The following GOLIM4 variants were observed in gnomAD, a reference collection of about 807,000 sequenced individuals.
The protein encoded by GOLIM4 is 130 kDa golgi-localized phosphoprotein.
In GOLIM4, 71 loss-of-function variants were observed where a neutral mutation model predicts 107.4. That is an observed-to-expected ratio of 0.66 (90% CI 0.55 to 0.81). The LOEUF (loss-of-function observed/expected upper bound fraction) is 0.81, where lower values mean the gene tolerates loss of function less well. Among genes scored for constraint, GOLIM4 ranks in the 30% least tolerant of loss-of-function variants. The probability of loss-of-function intolerance (pLI) is 0.00; values close to 1 mark genes in which losing one functional copy is unlikely to be tolerated. For missense variants in GOLIM4, 830 were observed against 826.1 expected, an observed-to-expected ratio of 1.00 and a Z score of -0.06; for synonymous variants, 327 against 294.8, an observed-to-expected ratio of 1.11 and a Z score of -1.12.
At chr3:168,084,003 G>A (rs1721498030) in intron 1 of GOLIM4, among the ~76,000 whole-genome samples, 1 of 152,156 alleles carries the variant, frequency 6.6e-6, no homozygotes, top group Non-Finnish European at 1.5e-5. Context: ...CAATCTCTTG[G>A]ATCTCTTGCT....
intron 1 of GOLIM4, among the ~76,000 whole-genome samples, chr3:168,050,167 A>G (rs557199845): frequency 7.9e-5 from 12 of 152,256 alleles, no homozygotes; most frequent in African/African-American, 2.2e-4. Flanking sequence ...ATATAACTCT[A>G]TATCTATGGC....
chr3:168,078,588 C>T (rs1356199511), intron 1 of GOLIM4, among the ~76,000 whole-genome samples: 1 of 152,022 alleles, frequency 6.6e-6, no homozygotes, highest in Non-Finnish European at 1.5e-5. Flanking sequence ...TGTAATATTC[C>T]TCTCAACTGC....
At chr3:168,054,457 T>C (rs1225137847) in intron 1 of GOLIM4, among the ~76,000 whole-genome samples, 1 of 152,148 alleles carries the variant, frequency 6.6e-6, no homozygotes. Flanking sequence ...CTAGCTCCCT[T>C]ACTTCCTTCA....
chr3:168,084,045 A>G lies in GOLIM4; in HGVS notation c.187+11054T>C, dbSNP rs536204673. Among the ~76,000 whole-genome samples the G allele has an allele frequency of 4.6e-5, 7 of 152,240 alleles. No homozygotes were observed. In the South Asian group the frequency reaches 1.0e-3, roughly 23 times the overall value. On this transcript the variant is annotated intron_variant, in intron 1 of 15. Coordinates refer to ENST00000470487, the MANE Select transcript of GOLIM4 (RefSeq NM_014498.5). ...GTTTGGCTCTGAGTTGTAATTCCCA[A>G]TGTTGCAGGAGAGGCCTGGTGGGAG... is the stretch of plus-strand genomic sequence containing the variant.
At chr3:168,036,806 A>AACCATAGATT in intron 8 of GOLIM4, 30 bp downstream of exon 8, 1 of 1,558,302 alleles carries the variant, frequency 6.4e-7, no homozygotes, top group Non-Finnish European at 8.7e-7. Flanking sequence ...AAAGTGACCT[A>AACCATAGATT]ACCATAGATT....
chr3:168,061,026 AT>A (rs903061533), intron 1 of GOLIM4, among the ~76,000 whole-genome samples: 9 of 152,168 alleles, frequency 5.9e-5, no homozygotes, highest in African/African-American at 2.2e-4. Context: ...TAAAAAAAGT[AT>A]GATGGAGGTT....
intron 1 of GOLIM4, among the ~76,000 whole-genome samples, chr3:168,052,871 A>C (rs1719733062): frequency 6.6e-6 from 1 of 152,200 alleles, no homozygotes; most frequent in Non-Finnish European, 1.5e-5. Flanking sequence ...TTCTCATAGC[A>C]CCAAACAAGT....
chr3:168,040,761 CCA>C, intron 7 of GOLIM4, 23 bp downstream of exon 7: 1 of 1,485,952 alleles, frequency 6.7e-7, no homozygotes, highest in Non-Finnish European at 9.3e-7. Flanking sequence ...GTAAAAGAAC[CCA>C]CAGAGGCTGC....
Position 168,053,211 on chromosome 3 carries a change from G to A in GOLIM4, c.188-4846C>T, listed in dbSNP as rs556066871. Among the ~76,000 whole-genome samples the A allele has an allele frequency of 2.0e-5, 3 of 152,256 alleles. No homozygotes were observed. In the South Asian group the frequency reaches 6.2e-4, roughly 32 times the overall value. ...GTATACATTCACTTATGGGCAAAAT[G>A]CATATCTATGCAATTTCAAGGCAAA... is the stretch of plus-strand genomic sequence containing the variant. On this transcript the variant is annotated intron_variant, in intron 1 of 15. Coordinates refer to ENST00000470487, the MANE Select transcript of GOLIM4 (RefSeq NM_014498.5).
chr3:168,081,532 C>T (rs1013413660), intron 1 of GOLIM4, among the ~76,000 whole-genome samples: 1 of 152,106 alleles, frequency 6.6e-6, no homozygotes, highest in African/African-American at 2.4e-5. Context: ...CCTGTTAAAC[C>T]TATGTTTAGC....
chr3:168,065,225 T>C (rs1241383243), intron 1 of GOLIM4, among the ~76,000 whole-genome samples: 2 of 152,208 alleles, frequency 1.3e-5, no homozygotes, highest in African/African-American at 4.8e-5. Context: ...TTCATGTTTA[T>C]AGTAAAGGAG....
intron 5 of GOLIM4, among the ~76,000 whole-genome samples, chr3:168,041,675 T>A (rs559124008): frequency 6.8e-4 from 104 of 152,300 alleles, no homozygotes; most frequent in African/African-American, 2.4e-3. Flanking sequence ...CCACTCTGGT[T>A]CAGTACTTTA....
At position 168,048,310 on chromosome 3, in the gene GOLIM4, T is replaced by C; in HGVS notation, c.243A>G (p.Glu81=). 1 of 1,514,510 alleles carries C rather than the reference T, an allele frequency of 6.6e-7. No homozygotes were observed. Among genetic ancestry groups the C allele is most frequent in the Non-Finnish European group, 9.1e-7 (1 of 1,098,524 alleles). The allele number at this position is 1,514,510 out of a possible 1,614,324, so 93.8% of individuals were successfully genotyped here. The change falls in exon 2 of 16, where the codon GAA becomes GAG. Residue 81 remains glutamate, a synonymous_variant. Coordinates refer to ENST00000470487, the MANE Select transcript of GOLIM4 (RefSeq NM_014498.5). The part of the protein sequence containing the change: ...LEKSLQKERL[E]HKKAKEDFLV... ...ACTTACCTTCCTTTGCTTTTTTATG[T>C]TCAAGTCTTTCTTTTTGCAAGGATT...
chr3:168,072,393 A>G (rs1720878963), intron 1 of GOLIM4, among the ~76,000 whole-genome samples: 1 of 152,078 alleles, frequency 6.6e-6, no homozygotes, highest in Admixed American at 6.5e-5. Context: ...AAAAAAAAAA[A>G]AGGTTCTGAA....
rs1716977866 is a variant in GOLIM4 at position 168,010,967 on chromosome 3, T to G, written c.1861-144A>C. 1.4e-5 allele frequency: 9 copies of G among 658,750 alleles called. No homozygotes were observed. The South Asian group carries it at 1.6e-4, about 12-fold the overall frequency. 40.8% of individuals were successfully genotyped at this position (658,750 alleles called of 1,614,324 possible). On this transcript the variant is annotated intron_variant, in intron 14 of 15. Coordinates refer to ENST00000470487, the MANE Select transcript of GOLIM4 (RefSeq NM_014498.5). ...TCACTCAAAATAGCAGAAGCAAAAT[T>G]AAAGTAAATATACAATTGAAAAAAT... is the stretch of plus-strand genomic sequence containing the variant.
intron 3 of GOLIM4, among the ~76,000 whole-genome samples, chr3:168,046,115 C>T (rs1719289625): frequency 6.6e-6 from 1 of 152,158 alleles, no homozygotes; most frequent in African/African-American, 2.4e-5. Flanking sequence ...TCAGGCAATC[C>T]TCCTGCCTCA....
intron 5 of GOLIM4, among the ~76,000 whole-genome samples, chr3:168,042,042 A>G (rs1719036721): frequency 6.6e-6 from 1 of 152,174 alleles, no homozygotes; most frequent in Non-Finnish European, 1.5e-5. Flanking sequence ...AAACATATAG[A>G]GTGGTCCTAA....
chr3:168,066,818 A>G (rs540368017), intron 1 of GOLIM4, among the ~76,000 whole-genome samples: 3 of 152,248 alleles, frequency 2.0e-5, no homozygotes, highest in African/African-American at 7.2e-5. Context: ...CACAATGCTT[A>G]AAATGCATTA....
At chr3:168,076,244 A>C (rs962024639) in intron 1 of GOLIM4, among the ~76,000 whole-genome samples, 1 of 152,228 alleles carries the variant, frequency 6.6e-6, no homozygotes, top group Admixed American at 6.5e-5. Flanking sequence ...TGAATATGGT[A>C]ATTTTTTAAA....
Sources: gnomAD v4.1 joint callset for allele counts (sites outside exome capture counted in the v4.1 genomes callset) on GRCh38, gnomAD v4.1.1 for gene constraint, MANE v1.5 for transcripts, NCBI Gene and HGNC (gene_info 2026-07-23, HGNC 2026-07-21) for gene names.